SLC35D4: variants seen among roughly 807,000 people sequenced by gnomAD.
The protein encoded by SLC35D4 is solute carrier family 35 member D4, also known as UDP-N-acetylglucosamine transporter SLC35D4.
chr18:23,411,533 GAA>G, the SLC35D4 span, among the ~76,000 whole-genome samples: 1 of 151,308 alleles, frequency 6.6e-6, no homozygotes, highest in Non-Finnish European at 1.5e-5. Flanking sequence ...AAGAAAGAAA[GAA>G]AGAAAGAAAG....
chr18:23,431,622 A>AT, the SLC35D4 span, among the ~76,000 whole-genome samples: 35 of 151,836 alleles, frequency 2.3e-4, no homozygotes, highest in African/African-American at 8.0e-4. Context: ...GCATTAAATG[A>AT]TTTTTTCAAA....
At chr18:23,340,333 TAA>T in the SLC35D4 span, among the ~76,000 whole-genome samples, 1 of 145,780 alleles carries the variant, frequency 6.9e-6, no homozygotes, top group Non-Finnish European at 1.5e-5. Context: ...ATCCTGTCTC[TAA>T]AAAAAAAACA....
chr18:23,373,080 G>A, the SLC35D4 span, among the ~76,000 whole-genome samples: 4 of 152,102 alleles, frequency 2.6e-5, no homozygotes, highest in South Asian at 2.1e-4. Flanking sequence ...TTGGGAGGCC[G>A]AGGCGGGCAA....
At chr18:23,288,127 T>G in the SLC35D4 span, among the ~76,000 whole-genome samples, 1 of 152,208 alleles carries the variant, frequency 6.6e-6, no homozygotes, top group African/African-American at 2.4e-5. Flanking sequence ...CCTCCCACAT[T>G]ATTCCTGATA....
At chr18:23,437,321 C>T in the SLC35D4 span, among the ~76,000 whole-genome samples, 4 of 152,100 alleles carry the variant, frequency 2.6e-5, no homozygotes, top group Non-Finnish European at 4.4e-5. Context: ...AAAATTGATT[C>T]GGGAATCAGC....
chr18:23,437,903 T>C, the SLC35D4 span: 4 of 1,571,080 alleles, frequency 2.5e-6, no homozygotes, highest in South Asian at 1.1e-5. Context: ...CCAAATCCCC[T>C]GGCCGCCGCC....
chr18:23,357,055 A>G, the SLC35D4 span, among the ~76,000 whole-genome samples: 1,001 of 152,322 alleles, frequency 6.6e-3, 12 homozygotes, highest in African/African-American at 0.023. Flanking sequence ...ACTCCAGTCA[A>G]TCCAAACCTT....
At chr18:23,290,876 G>C in the SLC35D4 span, among the ~76,000 whole-genome samples, 3,716 of 151,542 alleles carry the variant, frequency 0.025, 50 homozygotes, top group Middle Eastern at 0.051. Flanking sequence ...GACCTCAGGT[G>C]ATCCACCCGC....
the SLC35D4 span, among the ~76,000 whole-genome samples, chr18:23,360,921 G>A: frequency 6.6e-6 from 1 of 151,948 alleles, no homozygotes; most frequent in South Asian, 2.1e-4. Flanking sequence ...GACCAACATG[G>A]TGGAACCCCG....
At chr18:23,275,174 G>A in the SLC35D4 span, among the ~76,000 whole-genome samples, 2 of 151,836 alleles carry the variant, frequency 1.3e-5, no homozygotes, top group Admixed American at 6.6e-5. Flanking sequence ...TGCAGGGAGG[G>A]GCAGCAGAGG....
At chr18:23,384,796 T>C in the SLC35D4 span, among the ~76,000 whole-genome samples, 5 of 152,294 alleles carry the variant, frequency 3.3e-5, no homozygotes, top group East Asian at 9.6e-4. Flanking sequence ...ATATCAACAA[T>C]ATTCCCACAT....
chr18:23,263,391 TAG>T, the SLC35D4 span, among the ~76,000 whole-genome samples: 2 of 152,202 alleles, frequency 1.3e-5, no homozygotes. Flanking sequence ...ACGAAATCCA[TAG>T]CATCGTCTTC....
At chr18:23,308,999 C>T in the SLC35D4 span, among the ~76,000 whole-genome samples, 11 of 151,888 alleles carry the variant, frequency 7.2e-5, no homozygotes, top group African/African-American at 2.7e-4. Flanking sequence ...GCCTACAACC[C>T]ATGCACATCC....
At chr18:23,330,883 ACAGT>A in the SLC35D4 span, 9 of 152,258 alleles carry the variant, frequency 5.9e-5, no homozygotes, top group African/African-American at 1.9e-4. Context: ...TACCACCATC[ACAGT>A]CAGACGCTCA....
At chr18:23,308,534 G>C in the SLC35D4 span, among the ~76,000 whole-genome samples, 2 of 151,950 alleles carry the variant, frequency 1.3e-5, no homozygotes, top group African/African-American at 4.8e-5. Flanking sequence ...TCAAATCCTA[G>C]TGCCTCAGAT....
At chr18:23,281,490 T>C in the SLC35D4 span, among the ~76,000 whole-genome samples, 1 of 151,972 alleles carries the variant, frequency 6.6e-6, no homozygotes, top group South Asian at 2.1e-4. Flanking sequence ...GCCCAACTAA[T>C]TTTTTTATTT....
chr18:23,409,021 G>T, the SLC35D4 span, among the ~76,000 whole-genome samples: 15 of 152,050 alleles, frequency 9.9e-5, no homozygotes, highest in African/African-American at 2.9e-4. Flanking sequence ...TGTAATTCCT[G>T]TTACTTGGGA....
the SLC35D4 span, among the ~76,000 whole-genome samples, chr18:23,411,654 G>A: frequency 1.3e-5 from 2 of 152,220 alleles, no homozygotes; most frequent in Admixed American, 1.3e-4. Context: ...GAAAACTGTG[G>A]TAATAGATGA....
At chr18:23,260,727 C>T in the SLC35D4 span, among the ~76,000 whole-genome samples, 1 of 151,992 alleles carries the variant, frequency 6.6e-6, no homozygotes, top group African/African-American at 2.4e-5. Flanking sequence ...GGGATGGGGG[C>T]GCGCCCTGAC....
Sources: allele counts gnomAD v4.1 joint callset (sites outside exome capture counted in the v4.1 genomes callset), GRCh38; gene constraint gnomAD v4.1.1; transcripts MANE v1.5; gene names NCBI Gene and HGNC (gene_info 2026-07-23, HGNC 2026-07-21).